NIBAN3: variants seen among roughly 807,000 people sequenced by gnomAD.
The protein encoded by NIBAN3 is protein Niban 3.
NIBAN3 carries 66 observed loss-of-function variants against 76.4 expected under a neutral mutation model. The observed-to-expected ratio is 0.86, with a 90% CI of 0.71 to 1.06. NIBAN3 has a LOEUF of 1.06. Among genes scored for constraint, NIBAN3 ranks in the 50% least tolerant of loss-of-function variants. The probability of loss-of-function intolerance (pLI) is 0.00; values close to 1 mark genes in which losing one functional copy is unlikely to be tolerated. For synonymous variants in NIBAN3, 360 were observed against 355.2 expected (o/e 1.01, Z -0.15); for missense variants, 808 against 810.7 (o/e 1.00, Z 0.04).
downstream of NIBAN3, chr19:17,553,894 G>T (rs1169352849): frequency 1.9e-5 from 3 of 158,964 alleles, no homozygotes; most frequent in Non-Finnish European, 2.5e-5. Context: ...TTTTTGAGAC[G>T]GTGTCTCACT....
At chr19:17,540,164 G>T (rs1420084350) in intron 8 of NIBAN3, 10 of 427,314 alleles carry the variant, frequency 2.3e-5, no homozygotes, top group Non-Finnish European at 3.7e-5. Flanking sequence ...AGGGGCGGGG[G>T]TAAAGGCTGA....
Position 17,540,519 on chromosome 19 carries a change from AG to A in NIBAN3, c.1109del (p.Gly370AlafsTer34). On this transcript the variant is annotated frameshift_variant, in exon 9 of 15. Coordinates refer to ENST00000599164, the MANE Select transcript of NIBAN3 (RefSeq NM_001321827.2). LOFTEE classifies it high-confidence loss of function. ...LEAVRTLLAQGMDRLSHRLRQ... is the reference protein window; with the variant it reads ...LEAVRTLLAQXMDRLSHRLRQ... ...AGGCGGTGCGGACCCTCCTGGCTCA[AG>A]GCATGGACCGACTGTCCCACCGCCT... The A allele has an allele frequency of 6.3e-7, 1 of 1,590,130 alleles. No individual in the cohort carries two copies. Among genetic ancestry groups the A allele is most frequent in the African/African-American group, 1.4e-5 (1 of 73,400 alleles).
intron 1 of NIBAN3, among the ~76,000 whole-genome samples, chr19:17,529,967 G>A (rs2075683019): frequency 6.6e-6 from 1 of 151,984 alleles, no homozygotes; most frequent in South Asian, 2.1e-4. Flanking sequence ...GGGCTGAGGT[G>A]GGAGGATCAC....
chr19:17,525,402 A>G (rs1245076401), upstream of NIBAN3, among the ~76,000 whole-genome samples: 1 of 152,184 alleles, frequency 6.6e-6, no homozygotes, highest in Non-Finnish European at 1.5e-5. Context: ...TTCAGCAAAC[A>G]TCGAGGGCTG....
intron 14 of NIBAN3, among the ~76,000 whole-genome samples, chr19:17,550,841 T>C (rs2076141929): frequency 9.1e-6 from 1 of 110,260 alleles, no homozygotes; most frequent in Non-Finnish European, 1.9e-5. Flanking sequence ...ATCTTGTACA[T>C]ACTTTTTTTT....
chr19:17,527,407 G>A lies in NIBAN3; in HGVS notation c.55+12G>A, dbSNP rs1256288603. 6.6e-6 allele frequency: 10 copies of A among 1,516,062 alleles called. No homozygotes were observed. The highest frequency in any genetic ancestry group is 1.4e-5 in the African/African-American group (1 of 72,400). 93.9% of individuals were successfully genotyped at this position (1,516,062 alleles called of 1,614,324 possible). On this transcript the variant is annotated intron_variant, in intron 1 of 14. Transcript: ENST00000599164. ...GCAGCACCTAAGGGGTGAGCAGCCG[G>A]GGAGGGGACAGGGTGGGAGTCCAGG...
In NIBAN3 at chr19:17,549,436, C is replaced by A. The variant is rs759528457; in HGVS notation, c.1667-8C>A. 6.2e-7 allele frequency: 1 copy of A among 1,607,216 alleles called. No homozygotes were observed. The highest frequency in any genetic ancestry group is 8.5e-7 in the Non-Finnish European group (1 of 1,174,480). Reference sequence around the variant, plus strand: ...CCCAGGTGTGTCCAAGAGTTCATCTCATTTCAGAATTGAAAAAGACCCTTG... The same window carrying A: ...CCCAGGTGTGTCCAAGAGTTCATCTAATTTCAGAATTGAAAAAGACCCTTG... On this transcript the variant is annotated splice_region_variant and splice_polypyrimidine_tract_variant and intron_variant, in intron 13 of 14. Coordinates refer to ENST00000599164, the MANE Select transcript of NIBAN3 (RefSeq NM_001321827.2).
intron 2 of NIBAN3, 124 bp from the exon 3 acceptor site, chr19:17,532,139 C>T: frequency 7.9e-7 from 1 of 1,270,470 alleles, no homozygotes; most frequent in Non-Finnish European, 1.1e-6. Context: ...AGGACTCTCT[C>T]TGTCCAGCCT....
chr19:17,537,244 G>C (rs1430545051), intron 4 of NIBAN3, 132 bp from the exon 5 acceptor site: 2 of 931,674 alleles, frequency 2.1e-6, no homozygotes, highest in East Asian at 4.9e-5. Context: ...GAATAAGGAT[G>C]GTGGCAAGTA....
chr19:17,533,644 C>T lies in NIBAN3; in HGVS notation c.370C>T (p.Leu124=). ...AACAGCCCTGACAGGATACACGCTC[C>T]TGACTTCCCAGCGAGAATATCTCCG... ...GSTALTGYTL[L]TSQREYLRLL... Residue 124 remains leucine (L), a synonymous_variant, in exon 4 of 15, where the codon CTG becomes TTG. Transcript: ENST00000599164. 1 of 1,614,162 alleles carries T rather than the reference C, an allele frequency of 6.2e-7. No individual in the cohort carries two copies. Among genetic ancestry groups the T allele is most frequent in the Non-Finnish European group, 8.5e-7 (1 of 1,180,040 alleles).
At chr19:17,532,553 G>T (rs73504254) in intron 3 of NIBAN3, among the ~76,000 whole-genome samples, 165 bp downstream of exon 3, 3,172 of 152,234 alleles carry the variant, frequency 0.021, 127 homozygotes, top group African/African-American at 0.073. Context: ...CAACCATCTC[G>T]TCCCATCCCC....
rs748692041 is a variant in NIBAN3 at position 17,540,454 on chromosome 19, G to T, written c.1042G>T (p.Val348Phe). The T allele has an allele frequency of 3.2e-6, 5 of 1,578,708 alleles. No individual in the cohort carries two copies. The highest frequency in any genetic ancestry group is 4.3e-6 in the Non-Finnish European group (5 of 1,161,808). The change falls in exon 9 of 15, where the codon GTC (valine) becomes TTC (phenylalanine). Residue 348 changes from valine (V) to phenylalanine (F), a missense_variant. By Grantham distance (50) the Val-to-Phe change is conservative (BLOSUM62 -1). Coordinates refer to ENST00000599164, the MANE Select transcript of NIBAN3 (RefSeq NM_001321827.2). ...GGAGGTGGACCCGCAGCTGCCCCGGGTCGTGCAGACCCTGCTGCGCACCGT... is the reference window on the plus strand; with the variant it reads ...GGAGGTGGACCCGCAGCTGCCCCGGTTCGTGCAGACCCTGCTGCGCACCGT... ...RREVDPQLPR[V>F]VQTLLRTVEA...
chr19:17,529,929 C>T (rs770936977), intron 1 of NIBAN3, among the ~76,000 whole-genome samples: 7 of 151,906 alleles, frequency 4.6e-5, no homozygotes, highest in African/African-American at 7.3e-5. Flanking sequence ...CATGGTGGCA[C>T]GTGCACATGA....
At chr19:17,524,211 G>A (rs988511820), upstream of NIBAN3, among the ~76,000 whole-genome samples, 2 of 150,558 alleles carry the variant, frequency 1.3e-5, no homozygotes, top group Non-Finnish European at 3.0e-5. Context: ...TTTCATCTCC[G>A]TGACCCCTCC....
intron 9 of NIBAN3, among the ~76,000 whole-genome samples, chr19:17,541,667 A>G (rs1390865788): frequency 6.9e-6 from 1 of 145,354 alleles, no homozygotes; most frequent in African/African-American, 2.5e-5. Context: ...ATTTTATTTT[A>G]TTTTATTTTA....
intron 13 of NIBAN3, among the ~76,000 whole-genome samples, chr19:17,548,771 CA>C (rs1394062009): frequency 6.6e-6 from 1 of 151,298 alleles, no homozygotes; most frequent in Non-Finnish European, 1.5e-5. Flanking sequence ...ACTAAAAATA[CA>C]AAAATTAGCT....
At position 17,551,950 on chromosome 19, in the gene NIBAN3, AT is replaced by A; in HGVS notation, c.*55del. ...TATTGGATAAATGTCTACAAGTGGA[AT>A]TTCTGGGCCAAAACGGATGTGCCAT... On this transcript the variant is annotated 3_prime_UTR_variant, in exon 15 of 15. Coordinates refer to ENST00000599164, the MANE Select transcript of NIBAN3 (RefSeq NM_001321827.2). 1.4e-6 allele frequency: 1 copy of A among 717,954 alleles called. No homozygotes were observed. The highest frequency in any genetic ancestry group is 2.7e-6 in the Non-Finnish European group (1 of 375,308). 44.5% of individuals were successfully genotyped at this position (717,954 alleles called of 1,614,324 possible). A position where few individuals can be genotyped will look rare whatever the true frequency, so the allele number is the denominator to read the frequency against.
chr19:17,542,040 T>C lies in NIBAN3; in HGVS notation c.1171-96T>C. On this transcript the variant is annotated intron_variant, in intron 9 of 14. Coordinates refer to ENST00000599164, the MANE Select transcript of NIBAN3 (RefSeq NM_001321827.2). This position sits in a 1 kb window ranked among gnomAD's most constrained non-coding sequence, Gnocchi z 4.8. ...ACAGCTGAGACGGGATGTATTTTCA[T>C]TTGTGTTTCTCCTTTGGTGAATTGG... is the stretch of plus-strand genomic sequence containing the variant. 1 of 1,427,540 alleles carries C rather than the reference T, an allele frequency of 7.0e-7. No homozygotes were observed. Among genetic ancestry groups the C allele is most frequent in the South Asian group, 1.2e-5 (1 of 85,720 alleles). 88.4% of individuals were successfully genotyped at this position (1,427,540 alleles called of 1,614,324 possible).
upstream of NIBAN3, among the ~76,000 whole-genome samples, chr19:17,527,079 C>A (rs186657863): frequency 2.0e-5 from 3 of 152,240 alleles, no homozygotes; most frequent in East Asian, 5.8e-4. Context: ...TCCTCCAAGA[C>A]GAGCTATGAT....
Sources: allele counts gnomAD v4.1 joint callset (sites outside exome capture counted in the v4.1 genomes callset), GRCh38; gene constraint gnomAD v4.1.1; non-coding constraint Gnocchi (gnomAD v3.1); transcripts MANE v1.5; gene names NCBI Gene and HGNC (gene_info 2026-07-23, HGNC 2026-07-21).